Variants in HERC3 observed in about 807,000 individuals in gnomAD.
HERC3 encodes the protein probable E3 ubiquitin-protein ligase HERC3.
Under a neutral mutation model 129.9 loss-of-function variants are expected in HERC3, and 58 were observed. The observed-to-expected ratio is 0.45, with a 90% CI of 0.36 to 0.56. HERC3 has a LOEUF of 0.56. Among genes scored for constraint, HERC3 ranks in the 20% least tolerant of loss-of-function variants. The pLI is 0.00. For missense variants in HERC3, 835 were observed against 1,244.2 expected (o/e 0.67, Z 4.95); for synonymous variants, 430 against 451.0 (o/e 0.95, Z 0.59).
the HERC3 span, among the ~76,000 whole-genome samples, chr4:88,580,310 A>C: frequency 3.3e-5 from 5 of 152,102 alleles, no homozygotes; most frequent in Non-Finnish European, 5.9e-5. Flanking sequence ...GCATCGCTTG[A>C]GGTCAGGAGT....
At position 88,676,217 on chromosome 4, in the gene HERC3, G is replaced by A; in HGVS notation, c.1912-1G>A. ...GAGACTTTTTATTTTTCTTTACACAGAAGGCTAGACCATCAATAATACAGG... is the reference window on the plus strand; with the variant it reads ...GAGACTTTTTATTTTTCTTTACACAAAAGGCTAGACCATCAATAATACAGG... On this transcript the variant is annotated splice_acceptor_variant, in intron 16 of 25. Transcript: ENST00000402738. LOFTEE classifies it high-confidence loss of function. 1.9e-6 allele frequency: 3 copies of A among 1,560,284 alleles called. No individual in the cohort carries two copies. The highest frequency in any genetic ancestry group is 2.6e-6 in the Non-Finnish European group (3 of 1,134,522).
chr4:88,668,869 G>T (rs2149299478), intron 14 of HERC3, among the ~76,000 whole-genome samples: 1 of 152,190 alleles, frequency 6.6e-6, no homozygotes, highest in East Asian at 1.9e-4. Context: ...GATAAAAACA[G>T]AAATAATAAT....
intron 23 of HERC3, chr4:88,693,253 G>C: frequency 2.0e-6 from 2 of 979,250 alleles, no homozygotes; most frequent in Non-Finnish European, 2.4e-6. Flanking sequence ...GTGTATAAAG[G>C]ATTTTGTGCC....
At chr4:88,675,499 T>C (rs1405238478) in intron 16 of HERC3, among the ~76,000 whole-genome samples, 1 of 152,166 alleles carries the variant, frequency 6.6e-6, no homozygotes. Flanking sequence ...ACATAACCTA[T>C]ATTGTTGATT....
the HERC3 span, among the ~76,000 whole-genome samples, chr4:88,558,808 A>G: frequency 6.6e-6 from 1 of 151,836 alleles, no homozygotes. Context: ...CTAGAAAAAA[A>G]AAAAGAAAAA....
At chr4:88,669,095 T>A (rs72867706) in intron 14 of HERC3, among the ~76,000 whole-genome samples, 10,752 of 152,208 alleles carry the variant, frequency 0.071, 576 homozygotes, top group African/African-American at 0.15. Context: ...ACTTTATTTT[T>A]AACTTCTAAT....
At chr4:88,608,064 G>A (rs550876410) in intron 3 of HERC3, among the ~76,000 whole-genome samples, 17 of 152,226 alleles carry the variant, frequency 1.1e-4, no homozygotes, top group Admixed American at 3.9e-4. Context: ...GCATCAATAC[G>A]AATTAAATTT....
At chr4:88,586,840 AT>A in the HERC3 span, among the ~76,000 whole-genome samples, 1 of 152,152 alleles carries the variant, frequency 6.6e-6, no homozygotes, top group Non-Finnish European at 1.5e-5. Flanking sequence ...GTTGCTTTTC[AT>A]TTTTTTAAGT....
chr4:88,560,886 T>C, the HERC3 span, among the ~76,000 whole-genome samples: 2 of 152,208 alleles, frequency 1.3e-5, no homozygotes, highest in Non-Finnish European at 2.9e-5. Context: ...TCAAAAGTTA[T>C]GTGACTGTAT....
intron 24 of HERC3, 85 bp downstream of exon 24, chr4:88,704,366 C>T: frequency 7.1e-7 from 1 of 1,414,034 alleles, no homozygotes; most frequent in Non-Finnish European, 9.9e-7. Flanking sequence ...TGGTCTCGTT[C>T]CAAGCATACT....
chr4:88,583,206 G>C, the HERC3 span, among the ~76,000 whole-genome samples: 1 of 152,076 alleles, frequency 6.6e-6, no homozygotes, highest in East Asian at 1.9e-4. Context: ...GGGAGGCCGA[G>C]GTGGGTGGAT....
intron 23 of HERC3, among the ~76,000 whole-genome samples, chr4:88,692,613 A>G (rs960700021): frequency 6.6e-6 from 1 of 152,172 alleles, no homozygotes; most frequent in East Asian, 1.9e-4. Flanking sequence ...TATTACAGGA[A>G]CTGCAGAATT....
the HERC3 span, among the ~76,000 whole-genome samples, chr4:88,535,202 AG>A: frequency 1.3e-3 from 193 of 152,330 alleles, no homozygotes; most frequent in African/African-American, 4.4e-3. Flanking sequence ...TAAGCCTGTC[AG>A]GCATCTTTGA....
At chr4:88,556,569 A>G in the HERC3 span, among the ~76,000 whole-genome samples, 2 of 152,146 alleles carry the variant, frequency 1.3e-5, no homozygotes, top group African/African-American at 4.8e-5. Context: ...ATCAGCCACA[A>G]GTCCTATAAA....
chr4:88,664,601 G>A lies in HERC3; in HGVS notation c.1331+389G>A, dbSNP rs79309511. ...CTGGATGGCAGAAAAGCAGATTACC[G>A]AGAGAGACTGTATCTCAGAAATAAT... On this transcript the variant is annotated intron_variant, in intron 12 of 25. Coordinates refer to ENST00000402738, the MANE Select transcript of HERC3 (RefSeq NM_014606.3). Among the ~76,000 whole-genome samples, 725 of 152,282 alleles carry A rather than the reference G, an allele frequency of 4.8e-3. 10 individuals are homozygous for A. Among genetic ancestry groups the A allele is most frequent in the African/African-American group, 0.017 (692 of 41,562 alleles).
At position 88,655,156 on chromosome 4, in the gene HERC3, G is replaced by T; in HGVS notation, c.778-18G>T. The stretch of plus-strand genomic sequence containing the variant: ...CTTAAAGATACAGTGAAGTCCTATG[G>T]TGTTTGTTCCTTGTTAGAGTGGAGG... On this transcript the variant is annotated intron_variant, in intron 7 of 25. Transcript: ENST00000402738. 6.2e-7 allele frequency: 1 copy of T among 1,613,464 alleles called. No individual in the cohort carries two copies.
At chr4:88,541,479 A>G in the HERC3 span, among the ~76,000 whole-genome samples, 2 of 152,238 alleles carry the variant, frequency 1.3e-5, no homozygotes, top group Non-Finnish European at 2.9e-5. Context: ...TTAGACTCCC[A>G]CACAATAACA....
chr4:88,655,050 T>A (rs1047584449), intron 7 of HERC3, 124 bp from the exon 8 acceptor site: 1 of 788,636 alleles, frequency 1.3e-6, no homozygotes, highest in African/African-American at 1.7e-5. Context: ...AAAGTGATTT[T>A]GGCCAAGTGT....
chr4:88,528,935 C>G, the HERC3 span, among the ~76,000 whole-genome samples: 3 of 151,974 alleles, frequency 2.0e-5, no homozygotes, highest in Non-Finnish European at 4.4e-5. Flanking sequence ...TCTCATCTAT[C>G]AAAATAGTAA....
Sources: gnomAD v4.1 joint callset for allele counts (sites outside exome capture counted in the v4.1 genomes callset) on GRCh38, gnomAD v4.1.1 for gene constraint, MANE v1.5 for transcripts, NCBI Gene and HGNC (gene_info 2026-07-23, HGNC 2026-07-21) for gene names.